CDKAL1: variants seen among roughly 807,000 people sequenced by gnomAD.
The protein encoded by CDKAL1 is threonylcarbamoyladenosine tRNA methylthiotransferase.
In CDKAL1, 32 loss-of-function variants were observed where a neutral mutation model predicts 68.2. The observed-to-expected ratio is 0.47, with a 90% CI of 0.35 to 0.63. The LOEUF (loss-of-function observed/expected upper bound fraction) is 0.63. Ranked by LOEUF, CDKAL1 falls within the 30% of genes least tolerant of loss-of-function variation. CDKAL1 has a pLI of 0.00. For missense variants in CDKAL1, 606 were observed against 696.7 expected (o/e 0.87, Z 1.47); for synonymous variants, 234 against 244.3 (o/e 0.96, Z 0.39).
intron 10 of CDKAL1, among the ~76,000 whole-genome samples, chr6:20,998,096 C>G (rs1422337031): frequency 6.6e-6 from 1 of 152,126 alleles, no homozygotes; most frequent in Non-Finnish European, 1.5e-5. Context: ...GATGTCATTT[C>G]TCACCGCAAT....
intron 7 of CDKAL1, among the ~76,000 whole-genome samples, chr6:20,774,596 T>C (rs1366652084): frequency 6.6e-6 from 1 of 152,236 alleles, no homozygotes; most frequent in Non-Finnish European, 1.5e-5. Context: ...TGAAGATCGA[T>C]AGACAGCATT....
chr6:20,844,383 G>A (rs1434417784), intron 8 of CDKAL1, among the ~76,000 whole-genome samples: 1 of 152,044 alleles, frequency 6.6e-6, no homozygotes, highest in Non-Finnish European at 1.5e-5. Context: ...TGTGGGAGGG[G>A]GCAGCTTGGT....
At chr6:20,841,303 A>G (rs979142648) in intron 8 of CDKAL1, among the ~76,000 whole-genome samples, 3 of 152,104 alleles carry the variant, frequency 2.0e-5, no homozygotes, top group Non-Finnish European at 4.4e-5. Context: ...AGCAGAGAAA[A>G]CCAGAAGACT....
chr6:20,676,263 T>G (rs549484091), intron 5 of CDKAL1, among the ~76,000 whole-genome samples: 1 of 152,274 alleles, frequency 6.6e-6, no homozygotes, highest in East Asian at 1.9e-4. Context: ...TACATTTTAG[T>G]GTTATGTCCT....
At chr6:20,661,742 A>T (rs1769293912) in intron 5 of CDKAL1, among the ~76,000 whole-genome samples, 1 of 152,214 alleles carries the variant, frequency 6.6e-6, no homozygotes, top group Non-Finnish European at 1.5e-5. Context: ...ATCTTTTTGA[A>T]GACTAGTATT....
At chr6:20,744,687 A>G (rs75371176) in intron 6 of CDKAL1, among the ~76,000 whole-genome samples, 2,429 of 152,158 alleles carry the variant, frequency 0.016, 49 homozygotes, top group African/African-American at 0.055. Context: ...GTGAAACAAT[A>G]TTTATTTGCT....
intron 10 of CDKAL1, among the ~76,000 whole-genome samples, chr6:20,973,287 G>C (rs1401307036): frequency 1.3e-5 from 2 of 152,140 alleles, no homozygotes; most frequent in Non-Finnish European, 1.5e-5. Context: ...TATCACATAT[G>C]TAAATATAAA....
intron 13 of CDKAL1, among the ~76,000 whole-genome samples, chr6:21,154,859 G>A (rs569474665): frequency 4.6e-5 from 7 of 152,032 alleles, no homozygotes; most frequent in Non-Finnish European, 1.0e-4. Flanking sequence ...TGGGTGTGGT[G>A]GCACACACCT....
At chr6:20,566,212 G>T (rs1042120169) in intron 4 of CDKAL1, among the ~76,000 whole-genome samples, 2 of 152,106 alleles carry the variant, frequency 1.3e-5, no homozygotes, top group African/African-American at 4.8e-5. Flanking sequence ...TATTCGTTAT[G>T]AAAGAAAGAT....
At chr6:20,897,909 C>T (rs7759877) in intron 9 of CDKAL1, among the ~76,000 whole-genome samples, 86,256 of 152,034 alleles carry the variant, frequency 0.57, 25,535 homozygotes, top group Non-Finnish European at 0.66. Flanking sequence ...AATTAAAATA[C>T]AATAAAAATC....
At chr6:20,568,734 C>CAA (rs71538795) in intron 4 of CDKAL1, among the ~76,000 whole-genome samples, 11 of 31,116 alleles carry the variant, frequency 3.5e-4, no homozygotes, top group South Asian at 1.8e-3. Context: ...GACTCCGCCT[C>CAA]AAAAAAAAAA....
chr6:20,826,569 A>G (rs141325204), intron 8 of CDKAL1, among the ~76,000 whole-genome samples: 5 of 152,100 alleles, frequency 3.3e-5, no homozygotes, highest in African/African-American at 1.2e-4. Context: ...CTGGTGCCAG[A>G]CTCAGTGTCT....
intron 4 of CDKAL1, among the ~76,000 whole-genome samples, chr6:20,561,446 G>GAAACA (rs1764263011): frequency 1.3e-5 from 1 of 79,652 alleles, no homozygotes. Flanking sequence ...TCTCAAAAAA[G>GAAACA]AAAAAAAAAA....
intron 9 of CDKAL1, among the ~76,000 whole-genome samples, chr6:20,874,293 TTTTG>T (rs955723399): frequency 8.1e-5 from 10 of 123,016 alleles, no homozygotes; most frequent in East Asian, 4.5e-4. Flanking sequence ...TAGCAAGTTT[TTTTG>T]TTTGTTTGTT....
At chr6:20,589,672 C>A (rs978917607) in intron 4 of CDKAL1, among the ~76,000 whole-genome samples, 7 of 152,148 alleles carry the variant, frequency 4.6e-5, no homozygotes, top group African/African-American at 1.7e-4. Context: ...GAACATACTA[C>A]TAAAAGTACT....
chr6:20,660,675 A>G (rs1769244928), intron 5 of CDKAL1, among the ~76,000 whole-genome samples: 1 of 152,196 alleles, frequency 6.6e-6, no homozygotes, highest in South Asian at 2.1e-4. Context: ...GAGAGTAGGA[A>G]AGGTGGATAA....
intron 5 of CDKAL1, among the ~76,000 whole-genome samples, chr6:20,707,331 A>AT (rs1397933353): frequency 5.9e-5 from 9 of 152,208 alleles, no homozygotes; most frequent in African/African-American, 1.9e-4. Context: ...ATGATGAAAT[A>AT]TTTGACTACT....
chr6:20,705,359 T>G (rs11753081), intron 5 of CDKAL1, among the ~76,000 whole-genome samples: 30,127 of 152,174 alleles, frequency 0.2, 3,200 homozygotes, highest in East Asian at 0.47. Context: ...AAAGCAAGTA[T>G]CAATAAATGA....
intron 8 of CDKAL1, among the ~76,000 whole-genome samples, chr6:20,817,782 C>T (rs1440135898): frequency 2.6e-5 from 4 of 152,118 alleles, no homozygotes. Flanking sequence ...GTCTAAATAG[C>T]TCTGTGTGAT....
Sources: gnomAD v4.1 joint callset for allele counts (sites outside exome capture counted in the v4.1 genomes callset) on GRCh38, gnomAD v4.1.1 for gene constraint, MANE v1.5 for transcripts, NCBI Gene and HGNC (gene_info 2026-07-23, HGNC 2026-07-21) for gene names.